The following NLRC5 variants were observed in gnomAD, a reference collection of about 807,000 sequenced individuals.
The protein encoded by NLRC5 is protein NLRC5.
NLRC5 carries 114 observed loss-of-function variants against 206.9 expected under a neutral mutation model. That is an observed-to-expected ratio of 0.55 (90% CI 0.47 to 0.64). The LOEUF is 0.64. NLRC5 is among the 30% of genes least tolerant of loss of function. The probability of loss-of-function intolerance (pLI) is 0.00; values close to 1 mark genes in which losing one functional copy is unlikely to be tolerated. For synonymous variants in NLRC5, 952 were observed against 962.8 expected (o/e 0.99, Z 0.21); for missense variants, 2,008 against 2,305.5 (o/e 0.87, Z 2.64).
chr16:57,044,076 A>T, intron 20 of NLRC5, among the ~76,000 whole-genome samples: 1 of 151,354 alleles, frequency 6.6e-6, no homozygotes, highest in East Asian at 2.0e-4. Flanking sequence ...AGGTGGGCGG[A>T]TCACGTGAGG....
intron 1 of NLRC5, among the ~76,000 whole-genome samples, chr16:57,008,247 A>T (rs1475899561): frequency 1.3e-5 from 2 of 152,314 alleles, no homozygotes; most frequent in Middle Eastern, 6.8e-3. Flanking sequence ...AAATTTTTTT[A>T]AAATACTTTT....
chr16:57,028,493 C>T, intron 8 of NLRC5, 108 bp downstream of exon 8: 1 of 830,940 alleles, frequency 1.2e-6, no homozygotes, highest in Non-Finnish European at 2.0e-6. Flanking sequence ...AGTAGTTTTT[C>T]AGTGAGACCC....
Position 57,083,315 on chromosome 16 carries a change from C to A in NLRC5, c.*787C>A, listed in dbSNP as rs2069354189. The stretch of plus-strand genomic sequence containing the variant: ...AGCCCAGTCTGTCCTATGTAAGGGA[C>A]AAAGCCAGGTCTAATGGTACTGGGT... On this transcript the variant is annotated 3_prime_UTR_variant, in exon 49 of 49. Coordinates refer to ENST00000688547, the MANE Select transcript of NLRC5 (RefSeq NM_001384950.1). 6.6e-6 allele frequency: 1 copy of A among 152,276 alleles called. No homozygotes were observed. Among genetic ancestry groups the A allele is most frequent in the Non-Finnish European group, 1.5e-5 (1 of 68,074 alleles). 9.4% of individuals were successfully genotyped at this position (152,276 alleles called of 1,614,324 possible). A position where few individuals can be genotyped will look rare whatever the true frequency, so the allele number is the denominator to read the frequency against.
rs2065379914 is a variant in NLRC5 at position 57,054,731 on chromosome 16, C to A, written c.3507-20C>A. The A allele has an allele frequency of 1.3e-6, 2 of 1,558,946 alleles. No homozygotes were observed. The highest frequency in any genetic ancestry group is 1.1e-5 in the South Asian group (1 of 90,404). ...TCCTTGTCCACTCATCTTGCCGGAT[C>A]TACCCCCTTTCCTTTTCAGGCTGAG... On this transcript the variant is annotated intron_variant, in intron 24 of 48. Transcript: ENST00000688547.
In NLRC5 at chr16:57,081,981, C is replaced by T. The variant is rs554290808; in HGVS notation, c.5489+371C>T. On this transcript the variant is annotated intron_variant, in intron 48 of 48. Coordinates refer to ENST00000688547, the MANE Select transcript of NLRC5 (RefSeq NM_001384950.1). Reference sequence around the variant, plus strand: ...CAGCTATAATCAGAGCCATCACATACAGTTGTATAGGTTGTGCACTGCACA... The same window carrying T: ...CAGCTATAATCAGAGCCATCACATATAGTTGTATAGGTTGTGCACTGCACA... Among the ~76,000 whole-genome samples the T allele has an allele frequency of 2.6e-5, 4 of 152,340 alleles. No homozygotes were observed. The South Asian group carries it at 8.3e-4, about 32-fold the overall frequency.
chr16:57,072,725 T>C (rs2067931747), intron 38 of NLRC5, among the ~76,000 whole-genome samples: 1 of 152,232 alleles, frequency 6.6e-6, no homozygotes, highest in African/African-American at 2.4e-5. Context: ...GTTCCATCTT[T>C]CTAGAAATAT....
At chr16:57,033,006 A>AG (rs1183133720) in intron 11 of NLRC5, among the ~76,000 whole-genome samples, 5 of 152,036 alleles carry the variant, frequency 3.3e-5, no homozygotes, top group Non-Finnish European at 7.4e-5. Flanking sequence ...CTAAAAAAAA[A>AG]AAAATGGTTA....
rs1250347590 is a variant in NLRC5 at position 57,069,920 on chromosome 16, G to C, written c.4583+1G>C. On this transcript the variant is annotated splice_donor_variant, in intron 37 of 48. Coordinates refer to ENST00000688547, the MANE Select transcript of NLRC5 (RefSeq NM_001384950.1). LOFTEE classifies it high-confidence loss of function. Reference sequence around the variant, plus strand: ...ACTGCCACCACTTGGAGGAGCTGGAGTGAGTTGCAGAGTGGAGGGATTGGG... The same window carrying C: ...ACTGCCACCACTTGGAGGAGCTGGACTGAGTTGCAGAGTGGAGGGATTGGG... 3 of 1,571,302 alleles carry C rather than the reference G, an allele frequency of 1.9e-6. No individual in the cohort carries two copies. Among genetic ancestry groups the C allele is most frequent in the East Asian group, 2.3e-5 (1 of 42,828 alleles).
rs748593399 is a variant in NLRC5 at position 57,025,504 on chromosome 16, C to T, written c.561C>T (p.Ser187=). The T allele has an allele frequency of 1.2e-6, 2 of 1,613,686 alleles. No individual in the cohort carries two copies. The highest frequency in any genetic ancestry group is 1.7e-6 in the Non-Finnish European group (2 of 1,179,766). The part of the protein sequence containing the change: ...VPPILRRATA[S]LDTPEGAIMG... ...CAATCCTGCGCCGGGCCACAGCATC[C>T]TTAGACACTCCGGAGGGGGCCATTA... Residue 187 remains serine (S), a synonymous_variant, in exon 6 of 49, where the codon TCC becomes TCT. Transcript: ENST00000688547.
chr16:57,024,618 A>G (rs918852003), intron 5 of NLRC5, among the ~76,000 whole-genome samples: 1 of 152,218 alleles, frequency 6.6e-6, no homozygotes, highest in African/African-American at 2.4e-5. Flanking sequence ...GCCTAGGCCT[A>G]CAGGTTGTTA....
At chr16:57,030,614 A>AGATGGATG (rs66917392) in intron 10 of NLRC5, among the ~76,000 whole-genome samples, 169 of 141,244 alleles carry the variant, frequency 1.2e-3, no homozygotes, top group East Asian at 5.0e-3. Flanking sequence ...GTGTGTGAAA[A>AGATGGATG]GATGGATGGA....
intron 22 of NLRC5, 66 bp downstream of exon 22, chr16:57,046,707 GC>G (rs2064023456): frequency 4.5e-6 from 6 of 1,323,422 alleles, no homozygotes; most frequent in Admixed American, 3.7e-5. Context: ...AGGGGGCAGA[GC>G]TGGCAGGGGG....
intron 20 of NLRC5, among the ~76,000 whole-genome samples, chr16:57,044,322 A>C (rs562444883): frequency 6.6e-6 from 1 of 151,462 alleles, no homozygotes; most frequent in South Asian, 2.1e-4. Context: ...AAAAGAAAAG[A>C]AAAGAAAACT....
At chr16:57,069,795 G>T in intron 36 of NLRC5, 41 bp from the exon 37 acceptor site, 1 of 1,545,278 alleles carries the variant, frequency 6.5e-7, no homozygotes. Context: ...CAAGACCCAG[G>T]GCGGCTCCTG....
At chr16:57,047,695 C>T (rs895238092) in intron 23 of NLRC5, 67 bp downstream of exon 23, 6 of 1,355,072 alleles carry the variant, frequency 4.4e-6, no homozygotes, top group Non-Finnish European at 5.2e-6. Flanking sequence ...TGGGAGGGGG[C>T]TTCTTGGTTA....
intron 1 of NLRC5, among the ~76,000 whole-genome samples, chr16:57,014,283 G>C (rs987751922): frequency 7.2e-5 from 11 of 152,138 alleles, no homozygotes; most frequent in African/African-American, 1.2e-4. Context: ...TTAAATGAGT[G>C]TGAGGCTCAC....
intron 39 of NLRC5, 145 bp from the exon 40 acceptor site, chr16:57,076,668 CTCCCCA>C: frequency 1.5e-6 from 1 of 685,482 alleles, no homozygotes; most frequent in East Asian, 2.7e-5. Context: ...TTGCTCACCA[CTCCCCA>C]CCTGCCATGA....
chr16:57,077,388 C>A lies in NLRC5; in HGVS notation c.4919+9C>A. On this transcript the variant is annotated intron_variant, in intron 41 of 48. Coordinates refer to ENST00000688547, the MANE Select transcript of NLRC5 (RefSeq NM_001384950.1). ...GAGCTCAGGAAGATAGAGTGAGTAGCCAGCCCTACAGAGGAGGGCCACAGG... is the reference window on the plus strand; with the variant it reads ...GAGCTCAGGAAGATAGAGTGAGTAGACAGCCCTACAGAGGAGGGCCACAGG... 2 of 1,612,948 alleles carry A rather than the reference C, an allele frequency of 1.2e-6. No homozygotes were observed. The highest frequency in any genetic ancestry group is 1.7e-6 in the Non-Finnish European group (2 of 1,179,188).
At chr16:57,051,462 G>A (rs1567605883) in intron 23 of NLRC5, 76 bp from the exon 24 acceptor site, 8 of 1,058,636 alleles carry the variant, frequency 7.6e-6, no homozygotes, top group African/African-American at 1.6e-5. Context: ...ATCTCCAGAA[G>A]GCTCTGGCTA....
Sources: gnomAD v4.1 joint callset for allele counts (sites outside exome capture counted in the v4.1 genomes callset) on GRCh38, gnomAD v4.1.1 for gene constraint, MANE v1.5 for transcripts, NCBI Gene and HGNC (gene_info 2026-07-23, HGNC 2026-07-21) for gene names.